The following HDAC9 variants were observed in gnomAD, a reference collection of about 807,000 sequenced individuals.
HDAC9 encodes the protein MEF-2 interacting transcription repressor (MITR) protein.
In HDAC9, 41 loss-of-function variants were observed where a neutral mutation model predicts 139.4. The observed-to-expected ratio is 0.29, with a 90% CI of 0.23 to 0.38. The LOEUF (loss-of-function observed/expected upper bound fraction) is 0.38. Among genes scored for constraint, HDAC9 ranks in the 10% least tolerant of loss-of-function variants. The pLI, the probability that HDAC9 is intolerant of heterozygous loss-of-function variation, is 1.00. For missense variants in HDAC9, 1,147 were observed against 1,297.0 expected (o/e 0.88, Z 1.78); for synonymous variants, 517 against 476.2 (o/e 1.09, Z -1.12).
chr7:18,571,575 C>A (rs1824293864), intron 2 of HDAC9, among the ~76,000 whole-genome samples: 1 of 151,738 alleles, frequency 6.6e-6, no homozygotes. Context: ...CCAGTGCAGT[C>A]CTATATTAGG....
In HDAC9 at chr7:18,835,584, G is replaced by A; in HGVS notation, c.2584G>A (p.Glu862Lys). Residue 862 changes from glutamate to lysine, a missense_variant and splice_region_variant, in exon 20 of 26, where the codon GAG (glutamate) becomes AAG (lysine). Coordinates refer to ENST00000686413, the MANE Select transcript of HDAC9 (RefSeq NM_178425.4). ...TTTCCCTGGCAGTGGAGCCCCAAAT[G>A]AGGTTCGGTTTATTTCTTTAGAGCC... ...NFFPGSGAPN[E>K]VGTGLGEGYN... 6.2e-7 allele frequency: 1 copy of A among 1,613,746 alleles called. No individual in the cohort carries two copies. Among genetic ancestry groups the A allele is most frequent in the Non-Finnish European group, 8.5e-7 (1 of 1,179,694 alleles).
At chr7:18,183,060 A>C (rs1398859326) in intron 2 of HDAC9, among the ~76,000 whole-genome samples, 4 of 149,282 alleles carry the variant, frequency 2.7e-5, no homozygotes, top group Non-Finnish European at 5.9e-5. Flanking sequence ...CCCGTGCTGG[A>C]GTGCAGTGGC....
At chr7:18,851,989 A>G (rs1453579899) in intron 21 of HDAC9, among the ~76,000 whole-genome samples, 1 of 152,212 alleles carries the variant, frequency 6.6e-6, no homozygotes, top group African/African-American at 2.4e-5. Context: ...TTAGGAACCA[A>G]GGATTGTTGG....
At chr7:18,650,649 T>A (rs1788940728) in intron 11 of HDAC9, among the ~76,000 whole-genome samples, 1 of 152,112 alleles carries the variant, frequency 6.6e-6, no homozygotes, top group South Asian at 2.1e-4. Context: ...GAAAAGCAAA[T>A]CTTATCAGAG....
chr7:18,289,171 G>A (rs1232016777), upstream of HDAC9, among the ~76,000 whole-genome samples: 5 of 152,154 alleles, frequency 3.3e-5, no homozygotes, highest in East Asian at 1.9e-4. Context: ...GACCTTGGGG[G>A]CTTAGAATTG....
At chr7:18,586,571 TACC>T (rs1303901526) in intron 3 of HDAC9, among the ~76,000 whole-genome samples, 4 of 152,116 alleles carry the variant, frequency 2.6e-5, no homozygotes, top group Non-Finnish European at 4.4e-5. Context: ...TATGTAATTT[TACC>T]ACATTAATAT....
At chr7:18,723,556 A>G (rs368432714) in intron 12 of HDAC9, among the ~76,000 whole-genome samples, 5 of 152,210 alleles carry the variant, frequency 3.3e-5, no homozygotes, top group African/African-American at 1.2e-4. Flanking sequence ...TTATATTGCC[A>G]TATTCCTTCT....
chr7:18,382,980 A>G (rs1562937551), intron 1 of HDAC9, among the ~76,000 whole-genome samples: 1 of 152,234 alleles, frequency 6.6e-6, no homozygotes, highest in Non-Finnish European at 1.5e-5. Context: ...AAATGGGGCA[A>G]CTTAAATTTC....
At chr7:18,760,470 A>C (rs1328495690) in intron 14 of HDAC9, among the ~76,000 whole-genome samples, 1 of 152,190 alleles carries the variant, frequency 6.6e-6, no homozygotes, top group Non-Finnish European at 1.5e-5. Context: ...ATGGCTGACC[A>C]GAAGGCCATC....
At chr7:18,835,406 G>C (rs1315183915) in intron 19 of HDAC9, 61 bp from the exon 20 acceptor site, 1 of 1,519,628 alleles carries the variant, frequency 6.6e-7, no homozygotes, top group Non-Finnish European at 8.9e-7. Context: ...AAATCAGAAA[G>C]GTTGTCTCCA....
chr7:18,184,912 G>A (rs189183097), intron 2 of HDAC9, among the ~76,000 whole-genome samples: 69 of 152,232 alleles, frequency 4.5e-4, no homozygotes, highest in African/African-American at 1.5e-3. Context: ...ATACTGCAGA[G>A]CTTGCCTTAG....
chr7:18,967,692 A>G (rs765581664), intron 24 of HDAC9, among the ~76,000 whole-genome samples: 1 of 152,210 alleles, frequency 6.6e-6, no homozygotes, highest in Non-Finnish European at 1.5e-5. Context: ...TAAATAGCTT[A>G]AGATTTAATT....
intron 1 of HDAC9, among the ~76,000 whole-genome samples, chr7:18,423,332 C>A (rs539734327): frequency 6.6e-6 from 1 of 152,214 alleles, no homozygotes; most frequent in Non-Finnish European, 1.5e-5. Flanking sequence ...TAGTTTAAGA[C>A]TTTGAGAAAA....
intron 12 of HDAC9, chr7:18,667,779 AACACC>A (rs1795240734): frequency 2.0e-6 from 2 of 984,942 alleles, no homozygotes; most frequent in South Asian, 9.4e-5. Context: ...CTAAGAAAAT[AACACC>A]ACAAGTAGGG....
intron 1 of HDAC9, among the ~76,000 whole-genome samples, chr7:18,435,059 CAAAAAAAA>C (rs376786180): frequency 1.5e-5 from 1 of 67,810 alleles, no homozygotes; most frequent in Non-Finnish European, 2.6e-5. Context: ...ACTACACAGC[CAAAAAAAA>C]AAAAAAAAAA....
In HDAC9 at chr7:18,656,337, A is replaced by G. The variant is rs147675115; in HGVS notation, c.1467+7654A>G. 3.9e-5 allele frequency among the ~76,000 whole-genome samples: 6 copies of G among 152,306 alleles called. No individual in the cohort carries two copies. In the East Asian group the frequency reaches 1.2e-3, roughly 29 times the overall value. ...GTCATGGAATAATTGATGATGTTCC[A>G]CAAAGACTTATCTATTAACAACCAT... On this transcript the variant is annotated intron_variant, in intron 11 of 25. Transcript: ENST00000686413.
chr7:18,857,145 T>G (rs1797742022), intron 21 of HDAC9, among the ~76,000 whole-genome samples: 1 of 152,176 alleles, frequency 6.6e-6, no homozygotes, highest in Admixed American at 6.5e-5. Flanking sequence ...TAAAACATGC[T>G]TTTCCTTTTG....
intron 25 of HDAC9, 118 bp from the exon 26 acceptor site, chr7:18,995,905 T>C: frequency 2.9e-6 from 2 of 678,910 alleles, no homozygotes; most frequent in Non-Finnish European, 4.9e-6. Flanking sequence ...TATGGATAAC[T>C]GAATAACACA....
intron 21 of HDAC9, among the ~76,000 whole-genome samples, chr7:18,860,552 C>T (rs1291592199): frequency 2.0e-5 from 3 of 152,080 alleles, no homozygotes; most frequent in Non-Finnish European, 2.9e-5. Flanking sequence ...TATAAGGAAA[C>T]AAAGTTAAAT....
Sources: allele counts gnomAD v4.1 joint callset (sites outside exome capture counted in the v4.1 genomes callset), GRCh38; gene constraint gnomAD v4.1.1; transcripts MANE v1.5; gene names NCBI Gene and HGNC (gene_info 2026-07-23, HGNC 2026-07-21).